Variants in RGPD8 observed in about 807,000 individuals in gnomAD.
RGPD8 encodes the protein RANBP2 like and GRIP domain containing 8, also known as RANBP2-like and GRIP domain-containing protein 8.
In RGPD8, 15 loss-of-function variants were observed where a neutral mutation model predicts 89.1. The ratio of observed to expected loss-of-function variants is 0.17; its 90% CI spans 0.11 to 0.26. The LOEUF (loss-of-function observed/expected upper bound fraction) is 0.26. Among genes scored for constraint, RGPD8 ranks in the 10% least tolerant of loss-of-function variants. The probability of loss-of-function intolerance (pLI) is 1.00; values close to 1 mark genes in which losing one functional copy is unlikely to be tolerated. For synonymous variants in RGPD8, 62 were observed against 420.9 expected (o/e 0.15, Z 10.44); for missense variants, 178 against 1,179.6 (o/e 0.15, Z 12.44).
chr2:112,390,208 A>G lies in RGPD8; in HGVS notation c.2737T>C (p.Phe913Leu), dbSNP rs775878022. Residue 913 changes from phenylalanine (F) to leucine (L), a missense_variant, in exon 20 of 23, where the codon TTT becomes CTT. Transcript: ENST00000302558. ...CCATCAGCAGACACAGGGATGGAAA[A>G]TCCTTCTTTGGTTGACTTAAATTCT... is the stretch of plus-strand genomic sequence containing the variant. ...NTEFKSTKEG[F>L]SIPVSADGFK... 1.3e-6 allele frequency: 2 copies of G among 1,573,550 alleles called. No homozygotes were observed. Among genetic ancestry groups the G allele is most frequent in the South Asian group, 1.1e-5 (1 of 89,424 alleles).
At chr2:112,373,473 C>A (rs1215709778) in intron 22 of RGPD8, among the ~76,000 whole-genome samples, 2 of 152,282 alleles carry the variant, frequency 1.3e-5, no homozygotes, top group Non-Finnish European at 2.9e-5. Context: ...TACACCCAAA[C>A]CCACAGAAAG....
At chr2:112,387,294 G>A (rs1678492783) in intron 20 of RGPD8, among the ~76,000 whole-genome samples, 2 of 74,394 alleles carry the variant, frequency 2.7e-5, no homozygotes, top group Admixed American at 3.0e-4. Flanking sequence ...TTTAATACAT[G>A]AGCAAGACTG....
chr2:112,429,002 C>A (rs1486758505), intron 1 of RGPD8, among the ~76,000 whole-genome samples: 1 of 151,582 alleles, frequency 6.6e-6, no homozygotes, highest in East Asian at 1.9e-4. Flanking sequence ...AAAATATTTA[C>A]CTTCTATTTA....
rs1435842248 is a variant in RGPD8 at position 112,433,306 on chromosome 2, GGCCGCCGCCGGGCCGGGTCGAGGCC to G, written c.72+51_72+75del. On this transcript the variant is annotated intron_variant, in intron 1 of 22. Coordinates refer to ENST00000302558, the MANE Select transcript of RGPD8 (RefSeq NM_001164463.1). Reference sequence around the variant, plus strand: ...GGAGCCATGACCCCTGACCCATCGAGGCCGCCGCCGGGCCGGGTCGAGGCCGCCGCCGCCCGGCCGGGTCGAGGCC... The same window carrying G: ...GGAGCCATGACCCCTGACCCATCGAGGCCGCCGCCCGGCCGGGTCGAGGCC... The G allele has an allele frequency of 1.2e-4, 174 of 1,487,650 alleles. 1 individual carries two copies. The South Asian group carries it at 1.9e-3, about 16-fold the overall frequency. The allele number at this position is 1,487,650 out of a possible 1,614,324, so 92.2% of individuals were successfully genotyped here. A position where few individuals can be genotyped will look rare whatever the true frequency, so the allele number is the denominator to read the frequency against.
At chr2:112,373,517 C>T (rs568023738) in intron 22 of RGPD8, among the ~76,000 whole-genome samples, 1 of 152,252 alleles carries the variant, frequency 6.6e-6, no homozygotes, top group Non-Finnish European at 1.5e-5. Flanking sequence ...CAGCCAACAT[C>T]ATAAACATTT....
intron 1 of RGPD8, among the ~76,000 whole-genome samples, chr2:112,425,676 T>A (rs866380152): frequency 3.3e-5 from 5 of 151,294 alleles, no homozygotes; most frequent in Non-Finnish European, 5.9e-5. Flanking sequence ...AAAGAATCAC[T>A]TGAACCCGGG....
intron 1 of RGPD8, chr2:112,432,723 G>C: frequency 1.0e-6 from 1 of 985,302 alleles, no homozygotes; most frequent in Non-Finnish European, 1.2e-6. Context: ...TACGGGGCCA[G>C]AAAGCCCGGG....
At chr2:112,410,554 G>C (rs1679131671) in intron 7 of RGPD8, among the ~76,000 whole-genome samples, 2 of 151,892 alleles carry the variant, frequency 1.3e-5, no homozygotes, top group Non-Finnish European at 2.9e-5. Flanking sequence ...GAGTTGGGTG[G>C]ATCACGAGGT....
At chr2:112,432,004 CA>C (rs778875976) in intron 1 of RGPD8, among the ~76,000 whole-genome samples, 15 of 152,320 alleles carry the variant, frequency 9.8e-5, no homozygotes, top group Non-Finnish European at 1.2e-4. Flanking sequence ...ATGTGTCAAG[CA>C]ATAACCTAAA....
chr2:112,413,065 C>T (rs1356246748), intron 6 of RGPD8, among the ~76,000 whole-genome samples: 1 of 116,894 alleles, frequency 8.6e-6, no homozygotes, highest in Admixed American at 8.3e-5. Context: ...ATTTGAGTAT[C>T]AATACAGCAA....
chr2:112,431,754 A>T (rs1323880229), intron 1 of RGPD8, among the ~76,000 whole-genome samples: 1 of 150,698 alleles, frequency 6.6e-6, no homozygotes, highest in Non-Finnish European at 1.5e-5. Flanking sequence ...CTCCTGCCTC[A>T]GCCTCCCAGG....
chr2:112,427,254 CAATCTT>C (rs1306280916), intron 1 of RGPD8, among the ~76,000 whole-genome samples: 3 of 151,862 alleles, frequency 2.0e-5, no homozygotes, highest in Non-Finnish European at 4.4e-5. Flanking sequence ...TTAAAGTAGA[CAATCTT>C]AAGATAATTA....
chr2:112,381,896 C>A (rs1243488320), intron 20 of RGPD8, among the ~76,000 whole-genome samples: 1 of 152,302 alleles, frequency 6.6e-6, no homozygotes, highest in Admixed American at 6.5e-5. Context: ...ATGGTTAATA[C>A]TGGGTGTCAA....
intron 1 of RGPD8, among the ~76,000 whole-genome samples, 183 bp downstream of exon 1, chr2:112,433,199 G>A (rs1191838789): frequency 2.2e-5 from 3 of 137,342 alleles, no homozygotes; most frequent in Non-Finnish European, 4.8e-5. Context: ...CGGGAGCCAT[G>A]ACCCCTGACC....
Position 112,433,545 on chromosome 2 carries a change from T to C in RGPD8, c.-92A>G, listed in dbSNP as rs1680162427. The C allele has an allele frequency of 7.4e-7, 1 of 1,348,762 alleles. No homozygotes were observed. The highest frequency in any genetic ancestry group is 1.0e-6 in the Non-Finnish European group (1 of 989,566). 83.5% of individuals were successfully genotyped at this position (1,348,762 alleles called of 1,614,324 possible). On this transcript the variant is annotated 5_prime_UTR_variant, in exon 1 of 23. Coordinates refer to ENST00000302558, the MANE Select transcript of RGPD8 (RefSeq NM_001164463.1). ...CAAGAGGAAAGTGCCTGCAAGCCAC[T>C]GAAGCAGCGGCGTAGCCGGCGGAGG...
intron 1 of RGPD8, chr2:112,432,622 G>C: frequency 1.0e-6 from 1 of 985,166 alleles, no homozygotes; most frequent in East Asian, 1.1e-4. Context: ...CTCCGCCGCG[G>C]CATATAAAGT....
chr2:112,410,492 T>A (rs1679128103), intron 7 of RGPD8, among the ~76,000 whole-genome samples: 1 of 151,796 alleles, frequency 6.6e-6, no homozygotes, highest in Non-Finnish European at 1.5e-5. Context: ...TTAAAAGATT[T>A]ACAGGCCGGG....
At chr2:112,410,973 T>C (rs1679161467) in intron 7 of RGPD8, among the ~76,000 whole-genome samples, 1 of 152,178 alleles carries the variant, frequency 6.6e-6, no homozygotes, top group Admixed American at 6.5e-5. Flanking sequence ...TAATCCCAGC[T>C]ACTCGGGAGG....
At chr2:112,430,376 G>C (rs1317970883) in intron 1 of RGPD8, among the ~76,000 whole-genome samples, 1 of 152,064 alleles carries the variant, frequency 6.6e-6, no homozygotes, top group Non-Finnish European at 1.5e-5. Context: ...AGCTTCACAT[G>C]TTCCAGTTAC....
Sources: allele counts gnomAD v4.1 joint callset (sites outside exome capture counted in the v4.1 genomes callset), GRCh38; gene constraint gnomAD v4.1.1; transcripts MANE v1.5; gene names NCBI Gene and HGNC (gene_info 2026-07-23, HGNC 2026-07-21).